MYO3B: variants seen among roughly 807,000 people sequenced by gnomAD.
MYO3B encodes the protein myosin IIIB.
A neutral mutation model predicts 174.6 loss-of-function variants in MYO3B; 156 were observed. The ratio of observed to expected loss-of-function variants is 0.89; its 90% CI spans 0.78 to 1.02. The LOEUF (loss-of-function observed/expected upper bound fraction) is 1.02, where lower values mean the gene tolerates loss of function less well. MYO3B is among the 50% of genes least tolerant of loss of function. MYO3B has a pLI of 0.00. For missense variants in MYO3B, 1,632 were observed against 1,639.4 expected (o/e 1.00, Z 0.08); for synonymous variants, 563 against 569.1 (o/e 0.99, Z 0.15).
chr2:170,564,327 G>T lies in MYO3B; in HGVS notation c.3733+20339G>T, dbSNP rs888815437. ...ATCTCTACTAAAAATACAAAAATTA[G>T]CCAGGTGTGATGGTACATGCCTGTA... On this transcript the variant is annotated intron_variant, in intron 32 of 34. Coordinates refer to ENST00000408978, the MANE Select transcript of MYO3B (RefSeq NM_138995.5). Among the ~76,000 whole-genome samples the T allele has an allele frequency of 8.5e-5, 13 of 152,246 alleles. No individual in the cohort carries two copies. The East Asian group carries it at 2.5e-3, about 29-fold the overall frequency.
chr2:170,342,207 G>T (rs1174947855), intron 8 of MYO3B: 1 of 152,126 alleles, frequency 6.6e-6, no homozygotes, highest in African/African-American at 2.4e-5. Context: ...TAGTGCTTGT[G>T]GCGCATTATA....
intron 7 of MYO3B, among the ~76,000 whole-genome samples, chr2:170,299,704 G>A (rs1329173637): frequency 6.6e-6 from 1 of 152,198 alleles, no homozygotes; most frequent in Non-Finnish European, 1.5e-5. Flanking sequence ...GAGCAGTCTA[G>A]CTTTCATTAT....
intron 32 of MYO3B, among the ~76,000 whole-genome samples, chr2:170,573,227 G>GTATATATA (rs34137139): frequency 1.3e-4 from 6 of 46,438 alleles, no homozygotes; most frequent in African/African-American, 3.0e-4. Context: ...TATACTGTGT[G>GTATATATA]TATATATATA....
At position 170,260,598 on chromosome 2, in the gene MYO3B, C is replaced by T. The variant is rs562133670; in HGVS notation, c.749+24462C>T. On this transcript the variant is annotated intron_variant, in intron 7 of 34. Coordinates refer to ENST00000408978, the MANE Select transcript of MYO3B (RefSeq NM_138995.5). ...GGGTTGAAAAACCACCTATTGGGTA[C>T]TGTGCTCACTACTTGGGTGATGGGA... Among the ~76,000 whole-genome samples, 10 of 152,310 alleles carry T rather than the reference C, an allele frequency of 6.6e-5. No individual in the cohort carries two copies. The East Asian group carries it at 1.9e-3, about 29-fold the overall frequency.
In MYO3B at chr2:170,523,361, C is replaced by T. The variant is rs1212139916; in HGVS notation, c.3575+3821C>T. Among the ~76,000 whole-genome samples, 6 of 152,040 alleles carry T rather than the reference C, an allele frequency of 3.9e-5. 1 individual carries two copies. Among genetic ancestry groups the T allele is most frequent in the Middle Eastern group, 3.2e-3 (1 of 316 alleles). On this transcript the variant is annotated intron_variant, in intron 30 of 34. Coordinates refer to ENST00000408978, the MANE Select transcript of MYO3B (RefSeq NM_138995.5). ...AACAGTGGGCCAGGGTATCCCTGAT[C>T]CAGGGACTGGGATTCTGTTGTCCCC...
At chr2:170,520,692 G>A (rs1030938036) in intron 30 of MYO3B, among the ~76,000 whole-genome samples, 3 of 152,024 alleles carry the variant, frequency 2.0e-5, no homozygotes, top group African/African-American at 7.2e-5. Context: ...TTGCCTTTCA[G>A]TGACCTCTGA....
At chr2:170,205,556 T>C (rs758515119) in intron 3 of MYO3B, among the ~76,000 whole-genome samples, 4 of 152,184 alleles carry the variant, frequency 2.6e-5, no homozygotes, top group Non-Finnish European at 5.9e-5. Context: ...GCAAAGACTA[T>C]TGATATTTTC....
intron 28 of MYO3B, among the ~76,000 whole-genome samples, chr2:170,502,496 T>C (rs1175242845): frequency 2.6e-5 from 4 of 152,234 alleles, no homozygotes. Context: ...ATGGCTCGGC[T>C]TGCTATTGGC....
chr2:170,279,335 G>A (rs1369262424), intron 7 of MYO3B, among the ~76,000 whole-genome samples: 1 of 151,846 alleles, frequency 6.6e-6, no homozygotes, highest in African/African-American at 2.4e-5. Context: ...TTCTAATTGG[G>A]GTAAGAAGTG....
intron 29 of MYO3B, among the ~76,000 whole-genome samples, chr2:170,517,346 G>A (rs1688381231): frequency 6.6e-6 from 1 of 152,210 alleles, no homozygotes; most frequent in Admixed American, 6.5e-5. Context: ...CAGCAAAGTA[G>A]CTGGGGGCAT....
intron 32 of MYO3B, among the ~76,000 whole-genome samples, chr2:170,596,500 TG>T (rs1472281267): frequency 1.3e-5 from 2 of 152,258 alleles, no homozygotes; most frequent in Non-Finnish European, 2.9e-5. Flanking sequence ...TGTTTCTAAC[TG>T]TTCTACATAC....
chr2:170,505,375 C>T (rs934347938), intron 28 of MYO3B, among the ~76,000 whole-genome samples: 1 of 152,156 alleles, frequency 6.6e-6, no homozygotes, highest in African/African-American at 2.4e-5. Flanking sequence ...CAGGAAAACA[C>T]ATTCCTTTAA....
At chr2:170,354,610 T>A (rs2094105399) in intron 8 of MYO3B, among the ~76,000 whole-genome samples, 1 of 152,164 alleles carries the variant, frequency 6.6e-6, no homozygotes, top group South Asian at 2.1e-4. Flanking sequence ...TTCCAAACTG[T>A]CTCCCCCTCC....
intron 30 of MYO3B, among the ~76,000 whole-genome samples, chr2:170,531,890 G>A (rs1689375735): frequency 6.6e-6 from 1 of 152,164 alleles, no homozygotes; most frequent in Non-Finnish European, 1.5e-5. Context: ...TCATCATTTG[G>A]CAACTGCAAA....
chr2:170,519,562 T>G (rs1688533650), intron 30 of MYO3B, 22 bp downstream of exon 30: 4 of 1,583,636 alleles, frequency 2.5e-6, no homozygotes, highest in Non-Finnish European at 3.5e-6. Flanking sequence ...CTGCTAAGAG[T>G]TCCCTGTTGT....
At chr2:170,366,647 T>G (rs2094200746) in intron 8 of MYO3B, among the ~76,000 whole-genome samples, 1 of 152,220 alleles carries the variant, frequency 6.6e-6, no homozygotes, top group Non-Finnish European at 1.5e-5. Flanking sequence ...TATCTTCATT[T>G]TTTGGATCTT....
chr2:170,350,147 A>C (rs1454985975), intron 8 of MYO3B, among the ~76,000 whole-genome samples: 1 of 152,068 alleles, frequency 6.6e-6, no homozygotes, highest in Non-Finnish European at 1.5e-5. Context: ...GATTACAGGC[A>C]CGTGCACACC....
intron 7 of MYO3B, among the ~76,000 whole-genome samples, chr2:170,295,987 A>T (rs531461432): frequency 1.3e-5 from 2 of 152,330 alleles, no homozygotes; most frequent in Admixed American, 6.5e-5. Flanking sequence ...AACCTGTAGC[A>T]GCCTACTGAA....
At chr2:170,231,140 G>T (rs1033968073) in intron 6 of MYO3B, among the ~76,000 whole-genome samples, 1 of 152,178 alleles carries the variant, frequency 6.6e-6, no homozygotes, top group Non-Finnish European at 1.5e-5. Context: ...TTGTGCATGT[G>T]GTTTCATCCC....
Sources: allele counts gnomAD v4.1 joint callset (sites outside exome capture counted in the v4.1 genomes callset), GRCh38; gene constraint gnomAD v4.1.1; transcripts MANE v1.5; gene names NCBI Gene and HGNC (gene_info 2026-07-23, HGNC 2026-07-21).